RBM47: variants seen among roughly 807,000 people sequenced by gnomAD.
RBM47 encodes RNA binding motif protein 47, also known as RNA-binding protein 47.
In RBM47, 21 loss-of-function variants were observed where a neutral mutation model predicts 47.1. That is an observed-to-expected ratio of 0.45 (90% CI 0.32 to 0.64). The LOEUF (loss-of-function observed/expected upper bound fraction) is 0.64. Among genes scored for constraint, RBM47 ranks in the 30% least tolerant of loss-of-function variants. The probability of loss-of-function intolerance (pLI) is 0.05; values close to 1 mark genes in which losing one functional copy is unlikely to be tolerated. For synonymous variants in RBM47, 375 were observed against 361.7 expected (o/e 1.04, Z -0.42); for missense variants, 708 against 870.9 (o/e 0.81, Z 2.35).
intron 1 of RBM47, among the ~76,000 whole-genome samples, chr4:40,566,396 C>T (rs1731106637): frequency 6.6e-6 from 1 of 152,186 alleles, no homozygotes; most frequent in African/African-American, 2.4e-5. Context: ...CCTGTAATCC[C>T]AGCACTTTGG....
intron 6 of RBM47, chr4:40,426,831 G>A (rs1034091806): frequency 6.6e-6 from 1 of 152,270 alleles, no homozygotes; most frequent in Admixed American, 6.5e-5. Context: ...GGATAAGGAG[G>A]ACCTTCTCTG....
At chr4:40,573,477 T>C (rs1330785819) in intron 1 of RBM47, among the ~76,000 whole-genome samples, 3 of 151,810 alleles carry the variant, frequency 2.0e-5, no homozygotes, top group Non-Finnish European at 4.4e-5. Flanking sequence ...GCATAGTGGA[T>C]TATGCCTGTA....
Position 40,425,629 on chromosome 4 carries a change from C to A in RBM47, c.*275G>T, listed in dbSNP as rs548306117. The stretch of plus-strand genomic sequence containing the variant: ...AAAAACAACAACAAAAACCTCTATA[C>A]AAATGTAGTACAGCATACAAATTTT... On this transcript the variant is annotated 3_prime_UTR_variant, in exon 7 of 7. Transcript: ENST00000295971. 1.4e-4 allele frequency: 43 copies of A among 317,156 alleles called. No individual in the cohort carries two copies. Among genetic ancestry groups the A allele is most frequent in the East Asian group, 6.9e-4 (12 of 17,446 alleles). The allele number at this position is 317,156 out of a possible 1,614,324, so 19.6% of individuals were successfully genotyped here. A position where few individuals can be genotyped will look rare whatever the true frequency, so the allele number is the denominator to read the frequency against.
chr4:40,519,787 A>C (rs974195216), intron 2 of RBM47, among the ~76,000 whole-genome samples: 8 of 151,090 alleles, frequency 5.3e-5, no homozygotes, highest in Non-Finnish European at 2.9e-5. Flanking sequence ...CTCCTGCCTA[A>C]GCCTCCCGAG....
At chr4:40,629,299 G>A (rs1738017271) in intron 1 of RBM47, 97 bp downstream of exon 1, 1 of 152,100 alleles carries the variant, frequency 6.6e-6, no homozygotes, top group Non-Finnish European at 1.5e-5. Context: ...AAGAGCTAAA[G>A]AGAGAAGAAT....
intron 2 of RBM47, among the ~76,000 whole-genome samples, chr4:40,540,638 CAAA>C (rs367927651): frequency 0.032 from 3,419 of 106,898 alleles, 103 homozygotes; most frequent in African/African-American, 0.11. Context: ...AACTCTGTCT[CAAA>C]AAAAAAAAAA....
At chr4:40,615,673 A>G (rs1262499121) in intron 1 of RBM47, among the ~76,000 whole-genome samples, 4 of 151,876 alleles carry the variant, frequency 2.6e-5, no homozygotes. Context: ...CCCAGCTACT[A>G]GGGAGGCTGA....
intron 1 of RBM47, among the ~76,000 whole-genome samples, chr4:40,561,477 C>T (rs1265930305): frequency 6.6e-6 from 1 of 151,286 alleles, no homozygotes; most frequent in Non-Finnish European, 1.5e-5. Flanking sequence ...ACCTGCCTTG[C>T]CCTACCAAAG....
At chr4:40,581,062 A>G (rs1578005312) in intron 1 of RBM47, among the ~76,000 whole-genome samples, 1 of 152,066 alleles carries the variant, frequency 6.6e-6, no homozygotes, top group South Asian at 2.1e-4. Context: ...AGAGGTTGGG[A>G]GGTGGCCAGA....
intron 1 of RBM47, among the ~76,000 whole-genome samples, chr4:40,575,247 C>T (rs935198356): frequency 2.0e-5 from 3 of 152,106 alleles, no homozygotes; most frequent in African/African-American, 4.8e-5. Flanking sequence ...GTTATTAATA[C>T]AGCTACCTAT....
intron 6 of RBM47, among the ~76,000 whole-genome samples, chr4:40,429,498 T>C (rs1420234641): frequency 1.3e-5 from 2 of 151,858 alleles, no homozygotes; most frequent in African/African-American, 2.4e-5. Flanking sequence ...CAGTATACAA[T>C]TGCATTAATA....
At chr4:40,551,353 A>G (rs1266356157) in intron 1 of RBM47, among the ~76,000 whole-genome samples, 1 of 152,236 alleles carries the variant, frequency 6.6e-6, no homozygotes, top group Non-Finnish European at 1.5e-5. Context: ...TCAGCATATC[A>G]GAAGCAAGCA....
At chr4:40,591,775 A>C (rs1475681268) in intron 1 of RBM47, among the ~76,000 whole-genome samples, 2 of 152,166 alleles carry the variant, frequency 1.3e-5, no homozygotes, top group Non-Finnish European at 2.9e-5. Context: ...TCTACCTGAG[A>C]CAAGGGCTCT....
intron 2 of RBM47, among the ~76,000 whole-genome samples, chr4:40,490,196 C>T (rs769256117): frequency 3.9e-5 from 6 of 151,994 alleles, no homozygotes; most frequent in Non-Finnish European, 8.8e-5. Flanking sequence ...AGACTGAATG[C>T]TCTCCCCATG....
chr4:40,518,414 G>GATC (rs1312966642), intron 2 of RBM47, among the ~76,000 whole-genome samples: 3 of 152,002 alleles, frequency 2.0e-5, no homozygotes, highest in Non-Finnish European at 4.4e-5. Flanking sequence ...GAGCTCAAGT[G>GATC]ATCCACCTGC....
chr4:40,605,692 G>A (rs565531445), intron 1 of RBM47, among the ~76,000 whole-genome samples: 26 of 151,764 alleles, frequency 1.7e-4, no homozygotes, highest in Admixed American at 7.9e-4. Context: ...TTAGCCAGGC[G>A]AGGTGGCACA....
At chr4:40,542,187 A>C (rs1185482884) in intron 2 of RBM47, among the ~76,000 whole-genome samples, 1 of 152,214 alleles carries the variant, frequency 6.6e-6, no homozygotes, top group Non-Finnish European at 1.5e-5. Context: ...AAATCTGATC[A>C]TCAGTCTGAA....
At chr4:40,454,137 G>C (rs889344142) in intron 3 of RBM47, among the ~76,000 whole-genome samples, 9 of 152,204 alleles carry the variant, frequency 5.9e-5, no homozygotes, top group Non-Finnish European at 1.0e-4. Context: ...GACGGTGGCA[G>C]AGTTGAGTTA....
chr4:40,607,060 C>T lies in RBM47; in HGVS notation c.-240+22336G>A, dbSNP rs1735827958. Among the ~76,000 whole-genome samples the T allele has an allele frequency of 2.0e-5, 3 of 152,282 alleles. No individual in the cohort carries two copies. The South Asian group carries it at 6.2e-4, about 32-fold the overall frequency. On this transcript the variant is annotated intron_variant, in intron 1 of 6. Transcript: ENST00000295971. Reference sequence around the variant, plus strand: ...CGTAAATCACAACATCTCTTCTACGCTGTGCAAAAATCTATTTATTCAAAG... The same window carrying T: ...CGTAAATCACAACATCTCTTCTACGTTGTGCAAAAATCTATTTATTCAAAG...
Sources: gnomAD v4.1 joint callset for allele counts (sites outside exome capture counted in the v4.1 genomes callset) on GRCh38, gnomAD v4.1.1 for gene constraint, MANE v1.5 for transcripts, NCBI Gene and HGNC (gene_info 2026-07-23, HGNC 2026-07-21) for gene names.